The following RORA variants were observed in gnomAD, a reference collection of about 807,000 sequenced individuals.
RORA encodes RAR related orphan receptor A, also known as nuclear receptor ROR-alpha.
A neutral mutation model predicts 69.5 loss-of-function variants in RORA; 7 were observed. That is an observed-to-expected ratio of 0.10 (90% CI 0.06 to 0.19). The LOEUF is 0.19. RORA is among the 10% of genes least tolerant of loss of function. The probability of loss-of-function intolerance (pLI) is 1.00; values close to 1 mark genes in which losing one functional copy is unlikely to be tolerated. For synonymous variants in RORA, 261 were observed against 240.8 expected, an observed-to-expected ratio of 1.08 and a Z score of -0.78; for missense variants, 457 against 663.0, an observed-to-expected ratio of 0.69 and a Z score of 3.41.
intron 1 of RORA, among the ~76,000 whole-genome samples, chr15:60,701,098 C>T (rs1252350225): frequency 6.6e-6 from 1 of 152,190 alleles, no homozygotes; most frequent in African/African-American, 2.4e-5. Context: ...TCTGTCTGTT[C>T]ACTACTCCCA....
chr15:60,750,990 C>T (rs1055517787), intron 1 of RORA, among the ~76,000 whole-genome samples: 5 of 152,172 alleles, frequency 3.3e-5, no homozygotes, highest in Non-Finnish European at 7.3e-5. Context: ...ACTGTGAGGA[C>T]TTGGCTGGCA....
intron 1 of RORA, among the ~76,000 whole-genome samples, chr15:61,138,998 G>C (rs2079271789): frequency 6.6e-6 from 1 of 152,002 alleles, no homozygotes; most frequent in Non-Finnish European, 1.5e-5. Flanking sequence ...ACAAAAATTA[G>C]CCAGGCGTGG....
intron 3 of RORA, among the ~76,000 whole-genome samples, chr15:60,520,962 A>T (rs930301033): frequency 1.3e-5 from 2 of 152,204 alleles, no homozygotes; most frequent in African/African-American, 4.8e-5. Context: ...CACTACCACC[A>T]CCTAGTGGCA....
chr15:60,843,683 A>C (rs1001897532), intron 1 of RORA, among the ~76,000 whole-genome samples: 16 of 152,218 alleles, frequency 1.1e-4, no homozygotes, highest in African/African-American at 3.9e-4. Context: ...CGGAGGGTTA[A>C]ATGACTGATG....
At chr15:60,612,499 G>T (rs1451638030) in intron 2 of RORA, among the ~76,000 whole-genome samples, 1 of 152,002 alleles carries the variant, frequency 6.6e-6, no homozygotes, top group Non-Finnish European at 1.5e-5. Context: ...CAATTCCCTG[G>T]TATGTTCCTG....
intron 1 of RORA, among the ~76,000 whole-genome samples, chr15:60,786,004 T>C (rs2072329171): frequency 6.6e-6 from 1 of 152,238 alleles, no homozygotes; most frequent in Non-Finnish European, 1.5e-5. Context: ...ACTAAATGAA[T>C]GGAATGAATG....
intron 5 of RORA, among the ~76,000 whole-genome samples, chr15:60,506,580 T>G (rs2065509531): frequency 6.6e-6 from 1 of 152,144 alleles, no homozygotes; most frequent in Non-Finnish European, 1.5e-5. Context: ...TGGCTGGGTG[T>G]GGTGGCTCAC....
chr15:60,828,607 G>A (rs2072997567), intron 1 of RORA, among the ~76,000 whole-genome samples: 1 of 152,138 alleles, frequency 6.6e-6, no homozygotes, highest in Non-Finnish European at 1.5e-5. Flanking sequence ...AGGCGCATGG[G>A]GCCTCTGTGA....
intron 1 of RORA, among the ~76,000 whole-genome samples, chr15:60,943,935 A>AAAAAAAAAAAAAAAAAAAC (rs1892783972): frequency 6.7e-6 from 1 of 149,502 alleles, no homozygotes; most frequent in Non-Finnish European, 1.5e-5. Context: ...AAAAAAAAAA[A>AAAAAAAAAAAAAAAAAAAC]AAAAAGTGAG....
chr15:60,854,271 A>G (rs2073357452), intron 1 of RORA, among the ~76,000 whole-genome samples: 1 of 152,208 alleles, frequency 6.6e-6, no homozygotes, highest in Admixed American at 6.5e-5. Context: ...ATAAATAAAT[A>G]AATAAATAAA....
intron 2 of RORA, among the ~76,000 whole-genome samples, chr15:60,555,853 A>C (rs898860219): frequency 6.6e-6 from 1 of 152,094 alleles, no homozygotes; most frequent in African/African-American, 2.4e-5. Context: ...TAGTGATTTG[A>C]AGGAAAAAAG....
intron 1 of RORA, among the ~76,000 whole-genome samples, chr15:60,999,396 T>A (rs1212067330): frequency 6.6e-6 from 1 of 152,188 alleles, no homozygotes; most frequent in Non-Finnish European, 1.5e-5. Flanking sequence ...GCAGAGGGTA[T>A]CTTCCTGGCA....
At chr15:60,624,263 CT>C (rs931879770) in intron 2 of RORA, among the ~76,000 whole-genome samples, 4 of 150,968 alleles carry the variant, frequency 2.6e-5, no homozygotes, top group Non-Finnish European at 3.0e-5. Flanking sequence ...TCCTGTCTTC[CT>C]TCTTTCTTTT....
At position 60,943,916 on chromosome 15, in the gene RORA, C is replaced by CAAAAAAAAAAAA. The variant is rs545168599; in HGVS notation, c.167-265242_167-265231dup. Among the ~76,000 whole-genome samples, 61 of 32,352 alleles carry CAAAAAAAAAAAA rather than the reference C, an allele frequency of 1.9e-3. 8 individuals are homozygous for CAAAAAAAAAAAA. Among genetic ancestry groups the CAAAAAAAAAAAA allele is most frequent in the African/African-American group, 6.4e-3 (58 of 9,026 alleles). The allele number at this position is 32,352 out of a possible 152,430, so 21.2% of individuals were successfully genotyped here. A position where few individuals can be genotyped will look rare whatever the true frequency, so the allele number is the denominator to read the frequency against. ...GGGTGACAGAGCCAGACTCCATCTC[C>CAAAAAAAAAAAA]AAAAAAAAAAAAAAAAAAAAAAAAG... On this transcript the variant is annotated intron_variant, in intron 1 of 10. Coordinates refer to ENST00000335670, the MANE Select transcript of RORA (RefSeq NM_134261.3).
intron 1 of RORA, among the ~76,000 whole-genome samples, chr15:60,883,150 AAG>A (rs550685928): frequency 0.21 from 9,898 of 47,914 alleles, 1,117 homozygotes; most frequent in Non-Finnish European, 0.27. Flanking sequence ...AAAAAAAAAA[AAG>A]AAAGAGAGAG....
At chr15:60,591,263 T>C (rs941413855) in intron 2 of RORA, among the ~76,000 whole-genome samples, 1 of 152,118 alleles carries the variant, frequency 6.6e-6, no homozygotes, top group Non-Finnish European at 1.5e-5. Context: ...GGGCAGATTA[T>C]CCACGGCGAG....
At chr15:60,647,959 C>G (rs1317558973) in intron 2 of RORA, among the ~76,000 whole-genome samples, 1 of 152,132 alleles carries the variant, frequency 6.6e-6, no homozygotes, top group Non-Finnish European at 1.5e-5. Flanking sequence ...GGCTGCCGGA[C>G]CAGGTGGCTG....
chr15:60,551,980 A>G (rs16942760), intron 2 of RORA, among the ~76,000 whole-genome samples: 5,132 of 152,280 alleles, frequency 0.034, 274 homozygotes, highest in African/African-American at 0.11. Flanking sequence ...CTCTTTTATC[A>G]GTGTAGGTGG....
At chr15:60,561,316 C>T (rs975126118) in intron 2 of RORA, among the ~76,000 whole-genome samples, 1 of 151,694 alleles carries the variant, frequency 6.6e-6, no homozygotes, top group South Asian at 2.1e-4. Context: ...CTCCTGACCT[C>T]GTGATCCGCC....
Sources: allele counts gnomAD v4.1 joint callset (sites outside exome capture counted in the v4.1 genomes callset), GRCh38; gene constraint gnomAD v4.1.1; transcripts MANE v1.5; gene names NCBI Gene and HGNC (gene_info 2026-07-23, HGNC 2026-07-21).